Variants in PLA2G4A observed in about 807,000 individuals in gnomAD.
PLA2G4A encodes the protein phospholipase A2 group IVA.
In PLA2G4A, 40 loss-of-function variants were observed where a neutral mutation model predicts 81.9. The observed-to-expected ratio is 0.49, with a 90% CI of 0.38 to 0.64. The LOEUF (loss-of-function observed/expected upper bound fraction) is 0.64. Among genes scored for constraint, PLA2G4A ranks in the 30% least tolerant of loss-of-function variants. The pLI, the probability that PLA2G4A is intolerant of heterozygous loss-of-function variation, is 0.00. For synonymous variants in PLA2G4A, 302 were observed against 296.9 expected (o/e 1.02, Z -0.18); for missense variants, 715 against 905.1 (o/e 0.79, Z 2.69).
intron 10 of PLA2G4A, among the ~76,000 whole-genome samples, chr1:186,943,763 G>A (rs1160073933): frequency 6.6e-6 from 1 of 152,134 alleles, no homozygotes; most frequent in Non-Finnish European, 1.5e-5. Context: ...GCACACATTG[G>A]TGAAGAAAAG....
At chr1:186,871,649 T>C (rs1653273813) in intron 3 of PLA2G4A, among the ~76,000 whole-genome samples, 2 of 152,066 alleles carry the variant, frequency 1.3e-5, no homozygotes, top group East Asian at 1.9e-4. Flanking sequence ...TACTAGAGAA[T>C]AGATAACGGA....
intron 10 of PLA2G4A, among the ~76,000 whole-genome samples, chr1:186,946,033 C>T (rs1242350847): frequency 2.0e-5 from 3 of 152,056 alleles, no homozygotes; most frequent in African/African-American, 7.2e-5. Context: ...AGCTCATAAG[C>T]AGCAAAATAG....
intron 16 of PLA2G4A, among the ~76,000 whole-genome samples, chr1:186,978,409 G>A (rs1657605028): frequency 6.6e-6 from 1 of 152,130 alleles, no homozygotes; most frequent in Non-Finnish European, 1.5e-5. Context: ...ACCAGAAAAT[G>A]TGTTTTCCAT....
At chr1:186,957,892 A>T (rs1183105287) in intron 14 of PLA2G4A, among the ~76,000 whole-genome samples, 1 of 152,168 alleles carries the variant, frequency 6.6e-6, no homozygotes, top group Non-Finnish European at 1.5e-5. Context: ...TAACGTCCAA[A>T]TGTCATTCCT....
At chr1:186,935,483 A>G (rs190647259) in intron 8 of PLA2G4A, among the ~76,000 whole-genome samples, 21 of 151,674 alleles carry the variant, frequency 1.4e-4, no homozygotes, top group East Asian at 3.9e-4. Context: ...ATGTAGAGGC[A>G]TAGATGGAAG....
At chr1:186,946,527 AAT>A in intron 10 of PLA2G4A, 108 bp from the exon 11 acceptor site, 2 of 835,156 alleles carry the variant, frequency 2.4e-6, no homozygotes, top group Non-Finnish European at 4.1e-6. Flanking sequence ...TGATATTTTA[AAT>A]ACATGAATGA....
intron 6 of PLA2G4A, among the ~76,000 whole-genome samples, chr1:186,908,327 T>A (rs1359542496): frequency 6.6e-6 from 1 of 151,968 alleles, no homozygotes; most frequent in African/African-American, 2.4e-5. Flanking sequence ...AAAAATTTTT[T>A]AAAAATCATG....
chr1:186,980,890 A>G lies in PLA2G4A; in HGVS notation c.2118+1418A>G, dbSNP rs567520899. On this transcript the variant is annotated intron_variant, in intron 17 of 17. Transcript: ENST00000367466. ...ATAATTCATCTAAAAATGCTTATCA[A>G]AATATATAGCATATGTCATTTTCTC... Among the ~76,000 whole-genome samples the G allele has an allele frequency of 1.8e-3, 273 of 152,294 alleles. 4 individuals are homozygous for G. The highest frequency in any genetic ancestry group is 6.3e-3 in the African/African-American group (260 of 41,560).
chr1:186,951,946 G>A (rs1033382393), intron 13 of PLA2G4A, among the ~76,000 whole-genome samples: 2 of 152,076 alleles, frequency 1.3e-5, no homozygotes, highest in Admixed American at 1.3e-4. Flanking sequence ...ATCAAATAAT[G>A]ACCAGCAGCC....
intron 3 of PLA2G4A, among the ~76,000 whole-genome samples, chr1:186,889,450 C>G (rs1343277125): frequency 6.6e-6 from 1 of 152,178 alleles, no homozygotes; most frequent in Non-Finnish European, 1.5e-5. Context: ...TGCCCCACTG[C>G]TCTTTACCAA....
intron 12 of PLA2G4A, among the ~76,000 whole-genome samples, chr1:186,948,101 T>C (rs1656406115): frequency 6.6e-6 from 1 of 152,214 alleles, no homozygotes; most frequent in Non-Finnish European, 1.5e-5. Context: ...ATTTATTTAA[T>C]ATTTGTATTT....
intron 13 of PLA2G4A, 145 bp downstream of exon 13, chr1:186,950,873 G>T: frequency 1.5e-6 from 1 of 668,162 alleles, no homozygotes; most frequent in South Asian, 1.6e-5. Context: ...TGAGAGAGAG[G>T]ATTGCATGTT....
chr1:186,897,199 T>C (rs1654362701), intron 5 of PLA2G4A, among the ~76,000 whole-genome samples: 1 of 152,164 alleles, frequency 6.6e-6, no homozygotes, highest in Non-Finnish European at 1.5e-5. Flanking sequence ...TGAGTCAACA[T>C]AGAGTGATTT....
At chr1:186,959,091 T>G (rs1270136299) in intron 14 of PLA2G4A, among the ~76,000 whole-genome samples, 1 of 152,156 alleles carries the variant, frequency 6.6e-6, no homozygotes, top group Admixed American at 6.5e-5. Context: ...GGAGGAATTT[T>G]CATCTTCTTT....
At chr1:186,911,718 C>G (rs992121398) in intron 7 of PLA2G4A, among the ~76,000 whole-genome samples, 1 of 152,100 alleles carries the variant, frequency 6.6e-6, no homozygotes, top group Non-Finnish European at 1.5e-5. Flanking sequence ...CAAGTTTAGT[C>G]AGGTTCTCCA....
intron 7 of PLA2G4A, among the ~76,000 whole-genome samples, chr1:186,922,853 T>A (rs1655402101): frequency 1.3e-5 from 2 of 152,166 alleles, no homozygotes; most frequent in Admixed American, 6.5e-5. Flanking sequence ...TGGGTTGTGA[T>A]CGATTGAGCA....
intron 8 of PLA2G4A, among the ~76,000 whole-genome samples, chr1:186,934,465 C>CACACACACAA (rs1655867415): frequency 3.0e-5 from 1 of 33,890 alleles, no homozygotes; most frequent in African/African-American, 7.1e-5. Context: ...TATATATATA[C>CACACACACAA]ATACACAGAG....
intron 5 of PLA2G4A, among the ~76,000 whole-genome samples, chr1:186,898,277 C>T (rs1411661915): frequency 6.6e-6 from 1 of 151,934 alleles, no homozygotes; most frequent in African/African-American, 2.4e-5. Context: ...AAAAACTGCA[C>T]AAAAAGTACA....
At chr1:186,938,056 G>A (rs1413547530) in intron 8 of PLA2G4A, among the ~76,000 whole-genome samples, 3 of 152,060 alleles carry the variant, frequency 2.0e-5, no homozygotes, top group African/African-American at 7.2e-5. Context: ...GTTGGATGAA[G>A]TGATGGAATG....
Sources: allele counts gnomAD v4.1 joint callset (sites outside exome capture counted in the v4.1 genomes callset), GRCh38; gene constraint gnomAD v4.1.1; transcripts MANE v1.5; gene names NCBI Gene and HGNC (gene_info 2026-07-23, HGNC 2026-07-21).